AKR1C1: variants seen among roughly 807,000 people sequenced by gnomAD.
AKR1C1 encodes the protein 20 alpha-hydroxysteroid dehydrogenase.
In AKR1C1, 32 loss-of-function variants were observed where a neutral mutation model predicts 40.6. The ratio of observed to expected loss-of-function variants is 0.79; its 90% confidence interval spans 0.60 to 1.06. The LOEUF is 1.06. AKR1C1 is among the 50% of genes least tolerant of loss of function. The pLI is 0.00. For missense variants in AKR1C1, 320 were observed against 363.5 expected, an observed-to-expected ratio of 0.88 and a Z score of 0.97; for synonymous variants, 105 against 134.2, an observed-to-expected ratio of 0.78 and a Z score of 1.50.
At chr10:4,969,272 G>A (rs1481533968) in intron 5 of AKR1C1, among the ~76,000 whole-genome samples, 1 of 152,202 alleles carries the variant, frequency 6.6e-6, no homozygotes, top group Admixed American at 6.5e-5. Flanking sequence ...GATGGGTGAA[G>A]GTGATTTGGA....
At chr10:4,964,496 G>A (rs370132467) in intron 1 of AKR1C1, among the ~76,000 whole-genome samples, 1 of 152,196 alleles carries the variant, frequency 6.6e-6, no homozygotes, top group African/African-American at 2.4e-5. Context: ...TGAGGAGAGG[G>A]CTGTGAGACC....
At chr10:4,974,720 T>G (rs1216479791) in intron 7 of AKR1C1, among the ~76,000 whole-genome samples, 1 of 152,240 alleles carries the variant, frequency 6.6e-6, no homozygotes, top group East Asian at 1.9e-4. Context: ...CTGTAACATA[T>G]ATGAAATGTC....
Position 4,982,236 on chromosome 10 carries a change from G to A in AKR1C1, c.*4494G>A, listed in dbSNP as rs375513473. 1.3e-5 allele frequency: 2 copies of A among 152,232 alleles called. No homozygotes were observed. The highest frequency in any genetic ancestry group is 6.5e-5 in the Admixed American group (1 of 15,272). 9.4% of individuals were successfully genotyped at this position (152,232 alleles called of 1,614,324 possible). Reference sequence around the variant, plus strand: ...AATGCGGTTTGAGTGCTTTTACAAGGCCACAGGTGTCTCACGACCTGACCT... The same window carrying A: ...AATGCGGTTTGAGTGCTTTTACAAGACCACAGGTGTCTCACGACCTGACCT... On this transcript the variant is annotated 3_prime_UTR_variant, in exon 9 of 9. Transcript: ENST00000380872.
Position 4,963,493 on chromosome 10 carries a change from C to G in AKR1C1, c.49C>G (p.Pro17Ala). The change falls in exon 1 of 9, where the codon CCT (proline) becomes GCT (alanine). Residue 17 changes from proline to alanine, a missense_variant. Transcript: ENST00000380872. ...CVKLNDGHFM[P>A]VLGFGTYAPA... is the part of the protein sequence containing the mutation. ...GAAGCTGAATGATGGTCACTTCATGCCTGTCCTGGGATTTGGCACCTATGC... is the reference window on the plus strand; with the variant it reads ...GAAGCTGAATGATGGTCACTTCATGGCTGTCCTGGGATTTGGCACCTATGC... 1 of 1,613,718 alleles carries G rather than the reference C, an allele frequency of 6.2e-7. No homozygotes were observed. Among genetic ancestry groups the G allele is most frequent in the Non-Finnish European group, 8.5e-7 (1 of 1,179,910 alleles).
chr10:4,977,048 G>A (rs782800737), intron 8 of AKR1C1, among the ~76,000 whole-genome samples: 1 of 152,174 alleles, frequency 6.6e-6, no homozygotes, highest in Non-Finnish European at 1.5e-5. Flanking sequence ...TGCTCTTGGT[G>A]TAATCAAAAA....
Position 4,968,184 on chromosome 10 carries a change from C to G in AKR1C1, c.370-125C>G, listed in dbSNP as rs1448973040. On this transcript the variant is annotated intron_variant, in intron 3 of 8. Transcript: ENST00000380872. ...TCATATGTAGTACACTCTGTACATA[C>G]CACTCTCTGGAGCACTGCATCACCT... 1.8e-4 allele frequency: 227 copies of G among 1,249,414 alleles called. No individual in the cohort carries two copies. In the East Asian group the frequency reaches 5.3e-3, roughly 29 times the overall value. The allele number at this position is 1,249,414 out of a possible 1,614,324, so 77.4% of individuals were successfully genotyped here.
rs1554770858 is a variant in AKR1C1, at chr10:4,979,424, A to G, written c.*1682A>G. 6.6e-6 allele frequency: 1 copy of G among 152,190 alleles called. No individual in the cohort carries two copies. The highest frequency in any genetic ancestry group is 2.4e-5 in the African/African-American group (1 of 41,434). 9.4% of individuals were successfully genotyped at this position (152,190 alleles called of 1,614,324 possible). A position where few individuals can be genotyped will look rare whatever the true frequency, so the allele number is the denominator to read the frequency against. On this transcript the variant is annotated 3_prime_UTR_variant, in exon 9 of 9. Coordinates refer to ENST00000380872, the MANE Select transcript of AKR1C1 (RefSeq NM_001353.6). ...GGACATTCACACTTAGCATGTCTCA[A>G]AGAAATCTCATGTAAACCATGGCCA...
rs1836605653 is a variant in AKR1C1 at position 4,980,962 on chromosome 10, C to G, written c.*3220C>G. ...GAAATGTATTTCCTGAACCATAAAA[C>G]AAGAACATCAAAATTACTCTATGAT... On this transcript the variant is annotated 3_prime_UTR_variant, in exon 9 of 9. Transcript: ENST00000380872. 6.6e-6 allele frequency: 1 copy of G among 152,156 alleles called. No homozygotes were observed. The highest frequency in any genetic ancestry group is 2.4e-5 in the African/African-American group (1 of 41,428). The allele number at this position is 152,156 out of a possible 1,614,324, so 9.4% of individuals were successfully genotyped here.
At chr10:4,963,755 A>G in intron 1 of AKR1C1, 1 of 757,220 alleles carries the variant, frequency 1.3e-6, no homozygotes, top group Non-Finnish European at 2.4e-6. Context: ...TATACAACTC[A>G]GCAGAAAGAA....
chr10:4,974,051 CAG>C (rs1836484682), intron 7 of AKR1C1, among the ~76,000 whole-genome samples: 1 of 150,828 alleles, frequency 6.6e-6, no homozygotes, highest in Non-Finnish European at 1.5e-5. Flanking sequence ...AATAATGATA[CAG>C]AGAATGAGAA....
At position 4,978,880 on chromosome 10, in the gene AKR1C1, A is replaced by G. The variant is rs1588566605; in HGVS notation, c.*1138A>G. 1 of 152,376 alleles carries G rather than the reference A, an allele frequency of 6.6e-6. No individual in the cohort carries two copies. The highest frequency in any genetic ancestry group is 1.9e-4 in the East Asian group (1 of 5,192). 9.4% of individuals were successfully genotyped at this position (152,376 alleles called of 1,614,324 possible). On this transcript the variant is annotated 3_prime_UTR_variant, in exon 9 of 9. Transcript: ENST00000380872. ...TCTTACAAAGGCATTTAATTCTTAT[A>G]CATAATTTTCAGGGGACCTAAGTTA...
Position 4,978,401 on chromosome 10 carries a change from T to C in AKR1C1, c.*659T>C, listed in dbSNP as rs1447175238. 6.6e-6 allele frequency: 1 copy of C among 150,776 alleles called. No homozygotes were observed. Among genetic ancestry groups the C allele is most frequent in the African/African-American group, 2.5e-5 (1 of 40,674 alleles). The allele number at this position is 150,776 out of a possible 1,614,324, so 9.3% of individuals were successfully genotyped here. On this transcript the variant is annotated 3_prime_UTR_variant, in exon 9 of 9. Coordinates refer to ENST00000380872, the MANE Select transcript of AKR1C1 (RefSeq NM_001353.6). ...GTACATCTCTGCTTGGAAAAACATA[T>C]CAACACCCTTTTTTTTGAACATTAT...
chr10:4,970,822 A>C (rs1401246926), intron 5 of AKR1C1, among the ~76,000 whole-genome samples: 2 of 59,088 alleles, frequency 3.4e-5, no homozygotes, highest in East Asian at 6.1e-4. Flanking sequence ...GGGTGGGGGG[A>C]GGGGGGAGGG....
intron 1 of AKR1C1, among the ~76,000 whole-genome samples, chr10:4,965,315 A>G (rs920976366): frequency 6.6e-5 from 10 of 152,072 alleles, no homozygotes; most frequent in African/African-American, 2.4e-4. Flanking sequence ...TTTGTCGTCC[A>G]GGCTGGAGTG....
intron 5 of AKR1C1, chr10:4,969,783 A>T: frequency 6.3e-7 from 1 of 1,583,468 alleles, no homozygotes; most frequent in South Asian, 1.1e-5. Context: ...TAAAGTTACT[A>T]CACTTTTCCC....
intron 4 of AKR1C1, 86 bp downstream of exon 4, chr10:4,968,472 T>C: frequency 7.5e-7 from 1 of 1,326,080 alleles, no homozygotes. Flanking sequence ...GTATGGAAAA[T>C]GCACCATTGG....
chr10:4,965,587 A>G (rs1836316294), intron 1 of AKR1C1: 1 of 185,152 alleles, frequency 5.4e-6, no homozygotes, highest in Non-Finnish European at 1.1e-5. Context: ...ATTTTACCAT[A>G]CTAAAAATAA....
chr10:4,974,662 A>G (rs1165196580), intron 7 of AKR1C1, among the ~76,000 whole-genome samples: 3 of 151,922 alleles, frequency 2.0e-5, no homozygotes, highest in African/African-American at 7.2e-5. Flanking sequence ...TTTCCCACCA[A>G]CATTTATTGA....
intron 7 of AKR1C1, among the ~76,000 whole-genome samples, chr10:4,975,251 C>A (rs1836509613): frequency 6.6e-6 from 1 of 151,978 alleles, no homozygotes; most frequent in Non-Finnish European, 1.5e-5. Context: ...CTCTCATTTT[C>A]TGTATTACTC....
Sources: gnomAD v4.1 joint callset for allele counts (sites outside exome capture counted in the v4.1 genomes callset) on GRCh38, gnomAD v4.1.1 for gene constraint, MANE v1.5 for transcripts, NCBI Gene and HGNC (gene_info 2026-07-23, HGNC 2026-07-21) for gene names.